Variants in LRRC37A3 observed in about 807,000 individuals in gnomAD.
LRRC37A3 encodes the protein leucine-rich repeat-containing protein 37A3.
Under a neutral mutation model 106.2 loss-of-function variants are expected in LRRC37A3, and 25 were observed. The ratio of observed to expected loss-of-function variants is 0.24; its 90% CI spans 0.17 to 0.33. LRRC37A3 has a LOEUF of 0.33. Among genes scored for constraint, LRRC37A3 ranks in the 10% least tolerant of loss-of-function variants. The pLI, the probability that LRRC37A3 is intolerant of heterozygous loss-of-function variation, is 1.00. For synonymous variants in LRRC37A3, 305 were observed against 635.8 expected (o/e 0.48, Z 7.83); for missense variants, 712 against 1,644.9 (o/e 0.43, Z 9.81).
chr17:64,878,400 C>T (rs556147071), intron 8 of LRRC37A3, among the ~76,000 whole-genome samples: 1 of 152,252 alleles, frequency 6.6e-6, no homozygotes, highest in Non-Finnish European at 1.5e-5. Context: ...TCACAGAACT[C>T]ACAGGATGAG....
rs1374972943 is a variant in LRRC37A3, at chr17:64,862,966, C to T, written c.3106G>A (p.Glu1036Lys). Residue 1036 changes from glutamate (E) to lysine (K), a missense_variant, in exon 11 of 15, where the codon GAG becomes AAG. Coordinates refer to ENST00000584306, the MANE Select transcript of LRRC37A3 (RefSeq NM_199340.5). ...CCLCQFKNSIEAVCKTVKLHC... is the reference protein window; with the variant it reads ...CCLCQFKNSIKAVCKTVKLHC... ...AGCTTGACTGTCTTGCAGACAGCCT[C>T]AATGCTGTTTTTAAATTGGCAGAGG... The T allele has an allele frequency of 4.4e-6, 7 of 1,598,470 alleles. No individual in the cohort carries two copies. In the Admixed American group the frequency reaches 5.0e-5, roughly 11 times the overall value.
rs1467710768 is a variant in LRRC37A3, at chr17:64,860,506, G to T, written c.3640C>A (p.Leu1214Met). 1 of 1,613,056 alleles carries T rather than the reference G, an allele frequency of 6.2e-7. No homozygotes were observed. The highest frequency in any genetic ancestry group is 1.3e-5 in the African/African-American group (1 of 74,988). The change falls in exon 12 of 15, where the codon CTG (leucine) becomes ATG (methionine). Residue 1214 changes from leucine to methionine, a missense_variant. Physicochemically the swap from Leu to Met is conservative, Grantham distance 15. Transcript: ENST00000584306. ...KRLGSPAPRE[L>M]KQPHTQQGPE... ...CCCTGCTGTGTGTGAGGCTGTTTCA[G>T]CTCCCTTGGGGCTGGACTTCCGAGC...
At chr17:64,876,634 T>C (rs952420335) in intron 8 of LRRC37A3, among the ~76,000 whole-genome samples, 1 of 152,132 alleles carries the variant, frequency 6.6e-6, no homozygotes, top group Non-Finnish European at 1.5e-5. Flanking sequence ...GAAAGACACA[T>C]TACCAGAAAA....
intron 8 of LRRC37A3, among the ~76,000 whole-genome samples, chr17:64,873,263 G>T (rs918928907): frequency 2.0e-5 from 3 of 149,190 alleles, no homozygotes; most frequent in African/African-American, 7.5e-5. Context: ...CAAACACGTG[G>T]TTGGGGGAGA....
At chr17:64,893,932 G>GT (rs1227675132) in intron 4 of LRRC37A3, among the ~76,000 whole-genome samples, 2 of 148,654 alleles carry the variant, frequency 1.3e-5, no homozygotes, top group Non-Finnish European at 2.9e-5. Context: ...GATTACAGGC[G>GT]TGAGCCACCA....
intron 8 of LRRC37A3, among the ~76,000 whole-genome samples, chr17:64,881,722 G>A (rs1190925909): frequency 2.7e-5 from 4 of 150,888 alleles, no homozygotes; most frequent in African/African-American, 7.4e-5. Flanking sequence ...TCTGGGTAGC[G>A]TTTACAGCAC....
intron 5 of LRRC37A3, among the ~76,000 whole-genome samples, chr17:64,890,319 T>A (rs1386608598): frequency 3.9e-5 from 5 of 126,588 alleles, no homozygotes; most frequent in Non-Finnish European, 7.7e-5. Flanking sequence ...TCCTCCTGTG[T>A]CTGCTTCCCA....
chr17:64,915,959 A>G (rs546759725), intron 2 of LRRC37A3, among the ~76,000 whole-genome samples: 282 of 152,256 alleles, frequency 1.9e-3, no homozygotes, highest in Non-Finnish European at 3.4e-3. Context: ...TTAGCCACAC[A>G]TGGTGGCATG....
intron 2 of LRRC37A3, among the ~76,000 whole-genome samples, chr17:64,910,616 A>G (rs1234166483): frequency 6.6e-6 from 1 of 151,588 alleles, no homozygotes; most frequent in Non-Finnish European, 1.5e-5. Flanking sequence ...TCTAGAAGGA[A>G]GAAGAGTAAC....
At chr17:64,903,985 A>G (rs553875981) in intron 2 of LRRC37A3, among the ~76,000 whole-genome samples, 1 of 152,108 alleles carries the variant, frequency 6.6e-6, no homozygotes, top group East Asian at 1.9e-4. Context: ...CTAAAAATAC[A>G]AAGATTAGCC....
Position 64,894,886 on chromosome 17 carries a change from G to T in LRRC37A3, c.2372C>A (p.Thr791Lys). The change falls in exon 4 of 15, where the codon ACA (threonine) becomes AAA (lysine). Residue 791 changes from threonine (T) to lysine (K), a missense_variant. Transcript: ENST00000584306. The stretch of plus-strand genomic sequence containing the variant: ...AGGTTCTAGTTCAGTAGGTGGACCT[G>T]TGACTTCAGTCAGGCTTCGATGCAG... ...QTLHRSLTEV[T>K]GPPTELEPAQ... 6.7e-7 allele frequency: 1 copy of T among 1,501,184 alleles called. No individual in the cohort carries two copies. The highest frequency in any genetic ancestry group is 1.1e-5 in the South Asian group (1 of 88,278). The allele number at this position is 1,501,184 out of a possible 1,614,324, so 93.0% of individuals were successfully genotyped here. A position where few individuals can be genotyped will look rare whatever the true frequency, so the allele number is the denominator to read the frequency against.
intron 8 of LRRC37A3, among the ~76,000 whole-genome samples, chr17:64,876,263 G>A (rs1341421638): frequency 6.6e-6 from 1 of 152,212 alleles, no homozygotes. Context: ...GCTCACTGCA[G>A]CCCCAATCTC....
chr17:64,868,999 T>G (rs1265540316), intron 9 of LRRC37A3, 96 bp downstream of exon 9: 43 of 1,513,564 alleles, frequency 2.8e-5, no homozygotes, highest in South Asian at 1.5e-4. Flanking sequence ...ATTTAAATTA[T>G]GACATTTTAG....
rs535155791 is a variant in LRRC37A3, at chr17:64,861,411, C to A, written c.3173-438G>T. On this transcript the variant is annotated intron_variant, in intron 11 of 14. Coordinates refer to ENST00000584306, the MANE Select transcript of LRRC37A3 (RefSeq NM_199340.5). ...CCTCGGTGCACCTGTGTTCTTGCTA[C>A]CATCACAGCTGAATGCAATGAAAGG... Among the ~76,000 whole-genome samples the A allele has an allele frequency of 1.9e-4, 29 of 152,294 alleles. No homozygotes were observed. The South Asian group carries it at 6.0e-3, about 32-fold the overall frequency.
chr17:64,858,710 T>C lies in LRRC37A3; in HGVS notation c.4809+69A>G, dbSNP rs1972764050. On this transcript the variant is annotated intron_variant, in intron 13 of 14. Coordinates refer to ENST00000584306, the MANE Select transcript of LRRC37A3 (RefSeq NM_199340.5). ...GTGGGAAAGTGGCTTTGGTTTTCAG[T>C]TTGTGAGCTCTGAATCCACACAAAG... is the stretch of plus-strand genomic sequence containing the variant. The C allele has an allele frequency of 1.1e-5, 14 of 1,260,168 alleles. No homozygotes were observed. In the Middle Eastern group the frequency reaches 9.2e-4, roughly 83 times the overall value. The allele number at this position is 1,260,168 out of a possible 1,614,324, so 78.1% of individuals were successfully genotyped here.
In LRRC37A3 at chr17:64,859,670, C is replaced by G; in HGVS notation, c.4476G>C (p.Arg1492Ser). ...QSVIPNNNVR[R>S]LIAHVIRTLK... ...AGGTCCGGATAACATGAGCAATGAG[C>G]CTTCTCACATTGTTGTTGGGGATAA... The change falls in exon 12 of 15, where the codon AGG becomes AGC. Residue 1492 changes from arginine (R) to serine (S), a missense_variant. Arg to Ser is a moderately radical substitution (Grantham distance 110). Coordinates refer to ENST00000584306, the MANE Select transcript of LRRC37A3 (RefSeq NM_199340.5). 1 of 1,613,708 alleles carries G rather than the reference C, an allele frequency of 6.2e-7. No individual in the cohort carries two copies. The highest frequency in any genetic ancestry group is 8.5e-7 in the Non-Finnish European group (1 of 1,180,000).
intron 8 of LRRC37A3, chr17:64,881,151 TCCATACAAGA>T (rs1447182307): frequency 2.9e-6 from 2 of 700,838 alleles, no homozygotes; most frequent in African/African-American, 3.5e-5. Context: ...ACCAAGCTCC[TCCATACAAGA>T]CCTCGGACTG....
At chr17:64,874,488 C>CCT in intron 8 of LRRC37A3, among the ~76,000 whole-genome samples, 1 of 150,812 alleles carries the variant, frequency 6.6e-6, no homozygotes, top group African/African-American at 2.4e-5. Flanking sequence ...GGGGCCAGCC[C>CCT]CCGCCCGGCC....
At chr17:64,870,826 A>G (rs1320660958) in intron 8 of LRRC37A3, among the ~76,000 whole-genome samples, 3 of 100,494 alleles carry the variant, frequency 3.0e-5, no homozygotes, top group Non-Finnish European at 6.3e-5. Context: ...CCTTCCTTCT[A>G]TTTTCTTTCC....
Sources: gnomAD v4.1 joint callset for allele counts (sites outside exome capture counted in the v4.1 genomes callset) on GRCh38, gnomAD v4.1.1 for gene constraint, MANE v1.5 for transcripts, NCBI Gene and HGNC (gene_info 2026-07-23, HGNC 2026-07-21) for gene names.